The following GTF2E2 variants were observed in gnomAD, a reference collection of about 807,000 sequenced individuals.
The protein encoded by GTF2E2 is general transcription factor IIE subunit 2.
In GTF2E2, 21 loss-of-function variants were observed where a neutral mutation model predicts 40.5. That is an observed-to-expected ratio of 0.52 (90% CI 0.37 to 0.75). The LOEUF (loss-of-function observed/expected upper bound fraction) is 0.75, where lower values mean the gene tolerates loss of function less well. GTF2E2 is among the 30% of genes least tolerant of loss of function. The probability of loss-of-function intolerance (pLI) is 0.00; values close to 1 mark genes in which losing one functional copy is unlikely to be tolerated. For synonymous variants in GTF2E2, 117 were observed against 121.6 expected (o/e 0.96, Z 0.25); for missense variants, 298 against 338.4 (o/e 0.88, Z 0.94).
chr8:30,592,385 T>C (rs757512362), intron 6 of GTF2E2, among the ~76,000 whole-genome samples: 8 of 152,082 alleles, frequency 5.3e-5, no homozygotes, highest in Non-Finnish European at 1.0e-4. Context: ...AAAAAATACA[T>C]AAATAAAATA....
chr8:30,658,160 G>GCGT lies in GTF2E2; in HGVS notation c.-193_-192insACG, dbSNP rs1802508546. The GCGT allele has an allele frequency of 5.1e-6, 1 of 195,916 alleles. No individual in the cohort carries two copies. The highest frequency in any genetic ancestry group is 6.3e-5 in the Admixed American group (1 of 15,904). 12.1% of individuals were successfully genotyped at this position (195,916 alleles called of 1,614,324 possible). A position where few individuals can be genotyped will look rare whatever the true frequency, so the allele number is the denominator to read the frequency against. Reference sequence around the variant, plus strand: ...ACTGGCGGTGGCGGCGGCGGCGGCGGCAGCGGCGGTAGCTGAGGCGGCGAC... The same window carrying GCGT: ...ACTGGCGGTGGCGGCGGCGGCGGCGGCGTCAGCGGCGGTAGCTGAGGCGGCGAC... On this transcript the variant is annotated 5_prime_UTR_variant, in exon 1 of 8. Transcript: ENST00000355904.
At chr8:30,637,873 CTGT>C (rs1158729498) in intron 2 of GTF2E2, among the ~76,000 whole-genome samples, 1 of 152,220 alleles carries the variant, frequency 6.6e-6, no homozygotes, top group Non-Finnish European at 1.5e-5. Context: ...TGGTCTGCTG[CTGT>C]TGTTAACAGC....
chr8:30,593,044 A>C lies in GTF2E2; in HGVS notation c.644-12648T>G, dbSNP rs1034968204. Among the ~76,000 whole-genome samples the C allele has an allele frequency of 2.6e-5, 4 of 152,064 alleles. No homozygotes were observed. In the East Asian group the frequency reaches 5.8e-4, roughly 22 times the overall value. Reference sequence around the variant, plus strand: ...CCCCGTCTCTACTAAAAATACAAAAATTAGCCAGGTGTGGTGGCACGTGCC... The same window carrying C: ...CCCCGTCTCTACTAAAAATACAAAACTTAGCCAGGTGTGGTGGCACGTGCC... On this transcript the variant is annotated intron_variant, in intron 6 of 7. Transcript: ENST00000355904.
intron 3 of GTF2E2, among the ~76,000 whole-genome samples, chr8:30,624,730 C>T (rs1801216327): frequency 6.6e-6 from 1 of 152,058 alleles, no homozygotes; most frequent in African/African-American, 2.4e-5. Flanking sequence ...TCCTTCACAT[C>T]CCTTGTAAGT....
intron 6 of GTF2E2, among the ~76,000 whole-genome samples, chr8:30,581,051 T>C (rs964483849): frequency 3.3e-5 from 5 of 152,192 alleles, no homozygotes; most frequent in Admixed American, 1.3e-4. Flanking sequence ...GAGACCACAA[T>C]TGGGAAGCAT....
chr8:30,586,639 T>C (rs1366651979), intron 6 of GTF2E2, among the ~76,000 whole-genome samples: 5 of 152,178 alleles, frequency 3.3e-5, no homozygotes, highest in African/African-American at 1.2e-4. Flanking sequence ...TCAAACTATA[T>C]TACAATGCTA....
Position 30,653,595 on chromosome 8 carries a change from C to A in GTF2E2, c.4G>T (p.Asp2Tyr), listed in dbSNP as rs367818718. ...TCCCTTTCTCTCAACAGGCTTGGAT[C>A]CATAATGCTACAAAGAAAAAATAAG... MDPSLLRERELF... is the reference protein window; with the variant it reads MYPSLLRERELF... Residue 2 changes from aspartate (D) to tyrosine (Y), a missense_variant, in exon 2 of 8, where the codon GAT becomes TAT. Asp to Tyr is a radical substitution (Grantham distance 160). Transcript: ENST00000355904. The A allele has an allele frequency of 3.1e-6, 5 of 1,607,964 alleles. No individual in the cohort carries two copies. The African/African-American group carries it at 5.4e-5, about 17-fold the overall frequency.
intron 3 of GTF2E2, among the ~76,000 whole-genome samples, chr8:30,616,234 G>A (rs1399235110): frequency 1.3e-5 from 2 of 152,010 alleles, no homozygotes; most frequent in African/African-American, 2.4e-5. Flanking sequence ...TAAGGAGATC[G>A]AGACCATCCT....
intron 6 of GTF2E2, among the ~76,000 whole-genome samples, chr8:30,585,923 A>G (rs1434763097): frequency 6.6e-6 from 1 of 152,070 alleles, no homozygotes. Flanking sequence ...CATCTCAAAA[A>G]TTTAAAAAAC....
At chr8:30,608,273 C>T (rs539546990) in intron 5 of GTF2E2, among the ~76,000 whole-genome samples, 5 of 152,258 alleles carry the variant, frequency 3.3e-5, no homozygotes, top group African/African-American at 9.6e-5. Context: ...AATCAACAAG[C>T]GAACAAAATG....
In GTF2E2 at chr8:30,578,641, T is replaced by G; in HGVS notation, c.*280A>C. ...CGAGGAAGAAAGGAACCAGGAACCA[T>G]TTAGAAGTGGAGAAAAACACAGCAA... On this transcript the variant is annotated 3_prime_UTR_variant, in exon 8 of 8. Transcript: ENST00000355904. The G allele has an allele frequency of 3.7e-6, 1 of 269,134 alleles. No homozygotes were observed. The allele number at this position is 269,134 out of a possible 1,614,324, so 16.7% of individuals were successfully genotyped here. A position where few individuals can be genotyped will look rare whatever the true frequency, so the allele number is the denominator to read the frequency against.
intron 6 of GTF2E2, among the ~76,000 whole-genome samples, chr8:30,593,398 T>C (rs1283703069): frequency 6.6e-6 from 1 of 152,246 alleles, no homozygotes; most frequent in Non-Finnish European, 1.5e-5. Context: ...GTTTCATCCA[T>C]TTTTAATTCA....
chr8:30,621,194 A>G (rs1176683895), intron 3 of GTF2E2, among the ~76,000 whole-genome samples: 1 of 152,100 alleles, frequency 6.6e-6, no homozygotes, highest in African/African-American at 2.4e-5. Flanking sequence ...CAAAAGGCCA[A>G]CCTAACCTGG....
intron 6 of GTF2E2, among the ~76,000 whole-genome samples, chr8:30,604,452 C>A (rs144053462): frequency 3.8e-4 from 58 of 152,210 alleles, no homozygotes; most frequent in African/African-American, 1.4e-3. Context: ...AAATACATAG[C>A]CAATGTGTAA....
chr8:30,585,375 T>C (rs925617567), intron 6 of GTF2E2, among the ~76,000 whole-genome samples: 1 of 152,106 alleles, frequency 6.6e-6, no homozygotes, highest in African/African-American at 2.4e-5. Context: ...ATAAAGGCAA[T>C]ATAAAACATT....
chr8:30,581,697 T>C (rs963588647), intron 6 of GTF2E2, among the ~76,000 whole-genome samples: 7 of 152,274 alleles, frequency 4.6e-5, no homozygotes, highest in African/African-American at 1.7e-4. Context: ...AACGTTCATC[T>C]GCACACATTA....
At chr8:30,591,538 C>T (rs1828851545) in intron 6 of GTF2E2, among the ~76,000 whole-genome samples, 1 of 152,136 alleles carries the variant, frequency 6.6e-6, no homozygotes, top group East Asian at 1.9e-4. Context: ...CCAATCAGCA[C>T]ATAAAAAGAT....
Position 30,612,418 on chromosome 8 carries a change from T to A in GTF2E2, c.430A>T (p.Asn144Tyr). 6.2e-7 allele frequency: 1 copy of A among 1,612,852 alleles called. No individual in the cohort carries two copies. Among genetic ancestry groups the A allele is most frequent in the Non-Finnish European group, 8.5e-7 (1 of 1,178,962 alleles). Residue 144 changes from asparagine to tyrosine, a missense_variant, in exon 5 of 8, where the codon AAC becomes TAC. By Grantham distance (143) the Asn-to-Tyr change is moderately radical (BLOSUM62 -2). Transcript: ENST00000355904. The stretch of plus-strand genomic sequence containing the variant: ...AGTAGGGCCTTCTTATCTCTCACGT[T>A]GTACTTGGGCTTGAAAGCATACTTC... ...DGKYAFKPKY[N>Y]VRDKKALLRL...
chr8:30,614,472 C>T, intron 4 of GTF2E2, 136 bp downstream of exon 4: 3 of 548,492 alleles, frequency 5.5e-6, no homozygotes, highest in East Asian at 3.3e-5. Context: ...CCCAACTACT[C>T]GGGAGGCTGA....
Sources: gnomAD v4.1 joint callset for allele counts (sites outside exome capture counted in the v4.1 genomes callset) on GRCh38, gnomAD v4.1.1 for gene constraint, MANE v1.5 for transcripts, NCBI Gene and HGNC (gene_info 2026-07-23, HGNC 2026-07-21) for gene names.